Variants in PLXNA2 observed in about 807,000 individuals in gnomAD.
PLXNA2 encodes the protein plexin-A2.
PLXNA2 carries 91 observed loss-of-function variants against 193.5 expected under a neutral mutation model. The ratio of observed to expected loss-of-function variants is 0.47; its 90% CI spans 0.40 to 0.56. The LOEUF (loss-of-function observed/expected upper bound fraction) is 0.56, where lower values mean the gene tolerates loss of function less well. PLXNA2 is among the 20% of genes least tolerant of loss of function. The pLI, the probability that PLXNA2 is intolerant of heterozygous loss-of-function variation, is 0.00. For synonymous variants in PLXNA2, 997 were observed against 1,027.3 expected (o/e 0.97, Z 0.56); for missense variants, 1,995 against 2,503.2 (o/e 0.80, Z 4.33).
At chr1:208,037,626 T>G (rs1664713752) in intron 26 of PLXNA2, among the ~76,000 whole-genome samples, 1 of 152,192 alleles carries the variant, frequency 6.6e-6, no homozygotes, top group Non-Finnish European at 1.5e-5. Flanking sequence ...CCTGTCTACC[T>G]GTGCTTAATC....
chr1:208,133,956 C>G (rs1668231073), intron 4 of PLXNA2, among the ~76,000 whole-genome samples: 2 of 152,200 alleles, frequency 1.3e-5, no homozygotes, highest in African/African-American at 4.8e-5. Flanking sequence ...GAACATGATT[C>G]TGGGCAGTCA....
At chr1:208,090,069 T>A (rs1666660269) in intron 9 of PLXNA2, among the ~76,000 whole-genome samples, 1 of 152,154 alleles carries the variant, frequency 6.6e-6, no homozygotes, top group Admixed American at 6.5e-5. Flanking sequence ...AAGCAGTATT[T>A]TAGGAAGCCC....
chr1:208,109,361 T>G (rs1325691088), intron 4 of PLXNA2, among the ~76,000 whole-genome samples: 1 of 151,952 alleles, frequency 6.6e-6, no homozygotes, highest in Non-Finnish European at 1.5e-5. Flanking sequence ...GCCACTTTCT[T>G]CTCTTTCCCC....
intron 9 of PLXNA2, among the ~76,000 whole-genome samples, chr1:208,092,033 C>A (rs528003069): frequency 2.6e-5 from 4 of 152,114 alleles, no homozygotes; most frequent in Admixed American, 1.3e-4. Context: ...ACTGGCCATG[C>A]TGGGGTATGA....
In PLXNA2 at chr1:208,216,906, G is replaced by A. The variant is rs754566846; in HGVS notation, c.1017C>T (p.Phe339=). 1.9e-6 allele frequency: 3 copies of A among 1,614,114 alleles called. No homozygotes were observed. Among genetic ancestry groups the A allele is most frequent in the African/African-American group, 2.7e-5 (2 of 74,946 alleles). ...GGTGATACTGCTTCTGCCCTTTGGA[G>A]AAGATGGCAAAGAGTACATCGTCCT... The part of the protein sequence containing the change: ...TSQDDVLFAI[F]SKGQKQYHHP... The change falls in exon 2 of 32, where the codon TTC becomes TTT. Residue 339 remains phenylalanine, a synonymous_variant. Transcript: ENST00000367033.
intron 4 of PLXNA2, among the ~76,000 whole-genome samples, chr1:208,124,887 G>A (rs1667924963): frequency 6.6e-6 from 1 of 152,086 alleles, no homozygotes; most frequent in African/African-American, 2.4e-5. Flanking sequence ...TAGTGGCCAG[G>A]CACGGCAGTA....
Position 208,022,408 on chromosome 1 carries a change from ATACT to A in PLXNA2, c.*4831_*4834del, listed in dbSNP as rs1455506352. Reference sequence around the variant, plus strand: ...ACCCCACTTTATTGGAACATTTTAAATACTTAATTTTCTTACAGTTTTTATTCCA... The same window carrying A: ...ACCCCACTTTATTGGAACATTTTAAATAATTTTCTTACAGTTTTTATTCCA... On this transcript the variant is annotated 3_prime_UTR_variant, in exon 32 of 32. Transcript: ENST00000367033. The A allele has an allele frequency of 3.3e-5, 5 of 152,612 alleles. No homozygotes were observed. Among genetic ancestry groups the A allele is most frequent in the Non-Finnish European group, 7.3e-5 (5 of 68,048 alleles). The allele number at this position is 152,612 out of a possible 1,614,324, so 9.5% of individuals were successfully genotyped here.
At chr1:208,071,675 C>T (rs1167174761) in intron 12 of PLXNA2, among the ~76,000 whole-genome samples, 1 of 152,230 alleles carries the variant, frequency 6.6e-6, no homozygotes, top group Non-Finnish European at 1.5e-5. Context: ...ACATTCAAAA[C>T]CTAACTGTTA....
At chr1:208,225,539 C>T (rs1262341531) in intron 1 of PLXNA2, among the ~76,000 whole-genome samples, 3 of 152,156 alleles carry the variant, frequency 2.0e-5, no homozygotes, top group African/African-American at 7.2e-5. Flanking sequence ...TCTTGAACTC[C>T]TGGGCTCAAG....
intron 4 of PLXNA2, among the ~76,000 whole-genome samples, chr1:208,138,486 T>G (rs373776973): frequency 6.6e-6 from 1 of 152,352 alleles, no homozygotes; most frequent in African/African-American, 2.4e-5. Flanking sequence ...CGAGAGCATG[T>G]GTACATATCC....
chr1:208,223,421 T>C (rs1671411358), intron 1 of PLXNA2, among the ~76,000 whole-genome samples: 1 of 152,184 alleles, frequency 6.6e-6, no homozygotes, highest in African/African-American at 2.4e-5. Flanking sequence ...CAGGCTGTCC[T>C]GTTTTCGGGA....
intron 5 of PLXNA2, among the ~76,000 whole-genome samples, chr1:208,100,345 G>A (rs1667055366): frequency 6.6e-6 from 1 of 151,814 alleles, no homozygotes; most frequent in Non-Finnish European, 1.5e-5. Context: ...GACACAGTGA[G>A]ACCTTATCTC....
chr1:208,200,912 CCTT>C (rs1670532617), intron 3 of PLXNA2, among the ~76,000 whole-genome samples: 1 of 152,082 alleles, frequency 6.6e-6, no homozygotes, highest in South Asian at 2.1e-4. Flanking sequence ...GGCCTCCAAT[CCTT>C]CTTGATCATC....
intron 4 of PLXNA2, among the ~76,000 whole-genome samples, chr1:208,126,172 G>A (rs1449486703): frequency 1.3e-5 from 2 of 152,182 alleles, no homozygotes; most frequent in Admixed American, 1.3e-4. Flanking sequence ...TGAACGATTG[G>A]TGGGTGGGTC....
intron 3 of PLXNA2, among the ~76,000 whole-genome samples, chr1:208,198,436 G>A (rs995086924): frequency 1.3e-5 from 2 of 152,228 alleles, no homozygotes; most frequent in African/African-American, 4.8e-5. Flanking sequence ...TTTTGGCCTT[G>A]TCAGCAACAC....
At chr1:208,124,271 A>G (rs7550573) in intron 4 of PLXNA2, among the ~76,000 whole-genome samples, 99,177 of 151,700 alleles carry the variant, frequency 0.65, 32,634 homozygotes, top group Non-Finnish European at 0.67. Context: ...ATTGGGTACT[A>G]GGCTTAGTAC....
At chr1:208,093,037 T>C (rs1666766483) in intron 8 of PLXNA2, 137 bp from the exon 9 acceptor site, 7 of 568,806 alleles carry the variant, frequency 1.2e-5, no homozygotes, top group Middle Eastern at 3.0e-4. Flanking sequence ...GGCCATCCTC[T>C]AGCACCAAGA....
chr1:208,098,907 C>T lies in PLXNA2; in HGVS notation c.1670G>A (p.Ser557Asn). 1 of 1,613,968 alleles carries T rather than the reference C, an allele frequency of 6.2e-7. No homozygotes were observed. The highest frequency in any genetic ancestry group is 2.2e-5 in the East Asian group (1 of 44,882). ...ATGCACTGCAAGGCTCACACACTGG[C>T]TGATGCTGGCAGCAAATCGATTAGG... The part of the protein sequence containing the change: ...WEPNRFAASI[S>N]QCVSLAVHPS... The change falls in exon 6 of 32, where the codon AGC becomes AAC. Residue 557 changes from serine (S) to asparagine (N), a missense_variant. Ser to Asn is a conservative substitution (Grantham distance 46). This residue lies in a region of PLXNA2 where 702 missense variants were observed against 812.9 expected (regional missense o/e 0.86). Transcript: ENST00000367033.
chr1:208,199,188 G>C (rs1670457534), intron 3 of PLXNA2, among the ~76,000 whole-genome samples: 1 of 152,138 alleles, frequency 6.6e-6, no homozygotes, highest in Non-Finnish European at 1.5e-5. Flanking sequence ...CTCCCTGCTG[G>C]GCAGGTTCTG....
Sources: allele counts gnomAD v4.1 joint callset (sites outside exome capture counted in the v4.1 genomes callset), GRCh38; gene constraint gnomAD v4.1.1; regional missense constraint gnomAD v4.1.1; transcripts MANE v1.5; gene names NCBI Gene and HGNC (gene_info 2026-07-23, HGNC 2026-07-21).